Variants in TRHDE observed in about 807,000 individuals in gnomAD.
The protein encoded by TRHDE is thyrotropin releasing hormone degrading enzyme.
In TRHDE, 72 loss-of-function variants were observed where a neutral mutation model predicts 125.7. The observed-to-expected ratio is 0.57, with a 90% CI of 0.47 to 0.70. The LOEUF is 0.70. TRHDE is among the 30% of genes least tolerant of loss of function. TRHDE has a pLI of 0.00. For synonymous variants in TRHDE, 509 were observed against 509.1 expected (o/e 1.00, Z 0.00); for missense variants, 1,110 against 1,327.1 (o/e 0.84, Z 2.54).
At chr12:72,545,411 T>G (rs1869370150) in intron 7 of TRHDE, among the ~76,000 whole-genome samples, 1 of 151,496 alleles carries the variant, frequency 6.6e-6, no homozygotes, top group African/African-American at 2.4e-5. Flanking sequence ...TGTTTAAGAG[T>G]TGAACTAAAT....
chr12:72,269,039 A>G (rs148111347), upstream of TRHDE, among the ~76,000 whole-genome samples: 6 of 152,094 alleles, frequency 3.9e-5, no homozygotes, highest in African/African-American at 1.4e-4. Context: ...GTGACCTATA[A>G]CACTGAAAGC....
intron 15 of TRHDE, among the ~76,000 whole-genome samples, chr12:72,641,593 T>G (rs538717343): frequency 1.5e-4 from 23 of 152,182 alleles, no homozygotes; most frequent in Non-Finnish European, 2.1e-4. Context: ...ATTATATGAC[T>G]AATTATTAAT....
chr12:72,412,476 A>C (rs1873553708), intron 3 of TRHDE, among the ~76,000 whole-genome samples: 1 of 152,118 alleles, frequency 6.6e-6, no homozygotes, highest in South Asian at 2.1e-4. Context: ...AATGTAAACT[A>C]TGCATCAATT....
chr12:72,201,756 A>G (rs773775466), intron 2 of TRHDE, among the ~76,000 whole-genome samples: 6 of 152,218 alleles, frequency 3.9e-5, no homozygotes, highest in Non-Finnish European at 8.8e-5. Context: ...TTATTAGGCC[A>G]GCTGATGGCT....
intron 1 of TRHDE, among the ~76,000 whole-genome samples, chr12:72,097,698 G>A (rs185740057): frequency 2.3e-3 from 350 of 152,160 alleles, no homozygotes; most frequent in Admixed American, 4.1e-3. Flanking sequence ...CAATCCTCCT[G>A]CTGCAGCCTC....
rs1375732547 is a variant in TRHDE at position 72,597,838 on chromosome 12, TAGAA to T, written c.2322-21050_2322-21047del. 9.4e-5 allele frequency among the ~76,000 whole-genome samples: 14 copies of T among 148,490 alleles called. No homozygotes were observed. The East Asian group carries it at 2.6e-3, about 27-fold the overall frequency. ...TGAGACTTTTTTATAATTTTTAAAA[TAGAA>T]AGTATATGTGAAGCTTCTTTAAACA... On this transcript the variant is annotated intron_variant, in intron 12 of 18. Transcript: ENST00000261180.
intron 3 of TRHDE, among the ~76,000 whole-genome samples, chr12:72,464,054 C>T (rs1439914681): frequency 2.0e-5 from 3 of 152,146 alleles, no homozygotes; most frequent in Non-Finnish European, 1.5e-5. Context: ...TCTTAACTTT[C>T]CTTTAGTATG....
chr12:72,537,026 G>A (rs1044214132), intron 6 of TRHDE, among the ~76,000 whole-genome samples: 3 of 151,924 alleles, frequency 2.0e-5, no homozygotes, highest in Non-Finnish European at 2.9e-5. Flanking sequence ...ATCTAAATTC[G>A]TTTAAATTAT....
intron 6 of TRHDE, among the ~76,000 whole-genome samples, chr12:72,531,000 G>A (rs1476368965): frequency 6.6e-6 from 1 of 151,958 alleles, no homozygotes; most frequent in Non-Finnish European, 1.5e-5. Flanking sequence ...TTTGTTAAAT[G>A]CACAAATAAA....
chr12:72,104,716 G>C (rs963363243), intron 1 of TRHDE, among the ~76,000 whole-genome samples: 2 of 152,130 alleles, frequency 1.3e-5, no homozygotes, highest in Non-Finnish European at 2.9e-5. Context: ...CTGTTAATAA[G>C]AAAAAGATAT....
intron 2 of TRHDE, among the ~76,000 whole-genome samples, chr12:72,304,215 G>T (rs1868305712): frequency 6.6e-6 from 1 of 151,846 alleles, no homozygotes; most frequent in Admixed American, 6.6e-5. Flanking sequence ...ATAATATTTT[G>T]CCCTTATTGG....
At chr12:72,504,359 A>T (rs970564797) in intron 6 of TRHDE, among the ~76,000 whole-genome samples, 4 of 149,592 alleles carry the variant, frequency 2.7e-5, no homozygotes, top group African/African-American at 9.9e-5. Flanking sequence ...GCTGGAGTGC[A>T]GTGGCATGAT....
intron 1 of TRHDE, among the ~76,000 whole-genome samples, chr12:72,098,877 A>C (rs1874999252): frequency 6.6e-6 from 1 of 152,148 alleles, no homozygotes; most frequent in South Asian, 2.1e-4. Flanking sequence ...AGAAAGAATA[A>C]ATCACTGTCT....
At chr12:72,660,479 G>T (rs143489682) in intron 18 of TRHDE, among the ~76,000 whole-genome samples, 3 of 152,096 alleles carry the variant, frequency 2.0e-5, no homozygotes, top group Non-Finnish European at 2.9e-5. Flanking sequence ...TGGCATTACC[G>T]CTTGACCAAG....
chr12:72,530,240 A>T (rs915600153), intron 6 of TRHDE, among the ~76,000 whole-genome samples: 1 of 151,938 alleles, frequency 6.6e-6, no homozygotes, highest in Non-Finnish European at 1.5e-5. Context: ...TTTTTCTTTT[A>T]AAATCCCCCA....
chr12:72,487,932 A>G (rs1263963214), intron 5 of TRHDE, among the ~76,000 whole-genome samples: 1 of 152,124 alleles, frequency 6.6e-6, no homozygotes, highest in East Asian at 1.9e-4. Flanking sequence ...ACAGAAGTTA[A>G]GTTGTTATCA....
intron 7 of TRHDE, among the ~76,000 whole-genome samples, chr12:72,548,540 G>T (rs1050783081): frequency 6.6e-6 from 1 of 151,558 alleles, no homozygotes; most frequent in East Asian, 1.9e-4. Context: ...CTGATTCTAC[G>T]TAAGTAGAAT....
intron 2 of TRHDE, among the ~76,000 whole-genome samples, chr12:72,329,016 A>G (rs1869463337): frequency 6.6e-6 from 1 of 152,136 alleles, no homozygotes; most frequent in South Asian, 2.1e-4. Flanking sequence ...TACAAAAGAG[A>G]GTCTCAAAGT....
chr12:72,177,781 A>G (rs890690131), intron 2 of TRHDE, among the ~76,000 whole-genome samples: 5 of 152,122 alleles, frequency 3.3e-5, no homozygotes. Context: ...AACTATCATC[A>G]GAGCCTATAT....
Sources: gnomAD v4.1 joint callset for allele counts (sites outside exome capture counted in the v4.1 genomes callset) on GRCh38, gnomAD v4.1.1 for gene constraint, MANE v1.5 for transcripts, NCBI Gene and HGNC (gene_info 2026-07-23, HGNC 2026-07-21) for gene names.